The following POFUT3 variants were observed in gnomAD, a reference collection of about 807,000 sequenced individuals.
The protein encoded by POFUT3 is protein O-fucosyltransferase 3.
the POFUT3 span, among the ~76,000 whole-genome samples, chr8:33,381,550 C>G: frequency 2.0e-5 from 3 of 152,158 alleles, no homozygotes; most frequent in Non-Finnish European, 4.4e-5. Flanking sequence ...TCATGCTCTC[C>G]TGGTAAGTGC....
chr8:33,375,093 T>G, the POFUT3 span, among the ~76,000 whole-genome samples: 1 of 151,886 alleles, frequency 6.6e-6, no homozygotes, highest in African/African-American at 2.4e-5. Context: ...GGTTTCACCA[T>G]GTTGTCCAGG....
the POFUT3 span, among the ~76,000 whole-genome samples, chr8:33,458,456 T>C: frequency 6.6e-6 from 1 of 152,170 alleles, no homozygotes; most frequent in Non-Finnish European, 1.5e-5. Context: ...GGCTCACGCC[T>C]GTAATACCAA....
At chr8:33,318,078 C>T in the POFUT3 span, among the ~76,000 whole-genome samples, 230 of 152,158 alleles carry the variant, frequency 1.5e-3, 4 homozygotes, top group East Asian at 0.041. Context: ...TGAGAGAGTG[C>T]AGTCTTTTGA....
At chr8:33,458,267 A>AAAAAATT in the POFUT3 span, among the ~76,000 whole-genome samples, 1 of 152,216 alleles carries the variant, frequency 6.6e-6, no homozygotes, top group South Asian at 2.1e-4. Context: ...AACTGTAAAA[A>AAAAAATT]AAAAATTAAT....
At chr8:33,469,462 A>C in the POFUT3 span, among the ~76,000 whole-genome samples, 1 of 152,238 alleles carries the variant, frequency 6.6e-6, no homozygotes, top group African/African-American at 2.4e-5. Flanking sequence ...TCTTCATACT[A>C]GTGCAAATTT....
the POFUT3 span, among the ~76,000 whole-genome samples, chr8:33,339,789 G>A: frequency 8.8e-4 from 134 of 152,256 alleles, no homozygotes; most frequent in African/African-American, 3.1e-3. Flanking sequence ...TGCTGAAAGG[G>A]AAGAACTATC....
At chr8:33,390,915 A>C in the POFUT3 span, among the ~76,000 whole-genome samples, 1 of 152,218 alleles carries the variant, frequency 6.6e-6, no homozygotes, top group Admixed American at 6.5e-5. Flanking sequence ...AGATCCAATC[A>C]GGGAGAACTT....
At chr8:33,378,746 G>T in the POFUT3 span, among the ~76,000 whole-genome samples, 235 of 152,214 alleles carry the variant, frequency 1.5e-3, 2 homozygotes, top group Admixed American at 3.7e-3. Context: ...TAACACCCCA[G>T]GCCCCACTTT....
the POFUT3 span, among the ~76,000 whole-genome samples, chr8:33,369,738 G>C: frequency 6.6e-6 from 1 of 152,074 alleles, no homozygotes; most frequent in Non-Finnish European, 1.5e-5. Flanking sequence ...GTGGCTGAAG[G>C]AATGATGTTC....
At chr8:33,379,976 CACTCTATATATATAGTATA>C in the POFUT3 span, among the ~76,000 whole-genome samples, 1 of 92,242 alleles carries the variant, frequency 1.1e-5, no homozygotes, top group African/African-American at 5.2e-5. Context: ...ACTATATATA[CACTCTATATATATAGTATA>C]TATATATACT....
At chr8:33,432,394 C>T in the POFUT3 span, among the ~76,000 whole-genome samples, 1 of 147,088 alleles carries the variant, frequency 6.8e-6, no homozygotes, top group Non-Finnish European at 1.5e-5. Context: ...GCAATAAAAG[C>T]GAGACTCTGT....
the POFUT3 span, among the ~76,000 whole-genome samples, chr8:33,379,122 G>A: frequency 5.0e-4 from 76 of 152,086 alleles, 1 homozygote; most frequent in African/African-American, 1.8e-3. Context: ...GTGGTAAGAT[G>A]TGTTTGTTTC....
the POFUT3 span, among the ~76,000 whole-genome samples, chr8:33,464,547 T>C: frequency 1.3e-5 from 2 of 152,312 alleles, no homozygotes; most frequent in Admixed American, 1.3e-4. Context: ...CAGTGGCTCA[T>C]GCAGGTAATC....
At chr8:33,339,174 A>G in the POFUT3 span, among the ~76,000 whole-genome samples, 1 of 152,230 alleles carries the variant, frequency 6.6e-6, no homozygotes, top group Non-Finnish European at 1.5e-5. Flanking sequence ...ACATGCTTGA[A>G]ATAAGTGAAA....
At chr8:33,454,644 T>C in the POFUT3 span, among the ~76,000 whole-genome samples, 16 of 152,026 alleles carry the variant, frequency 1.1e-4, 1 homozygote, top group South Asian at 3.3e-3. Context: ...ATTTCATAAG[T>C]CTGTAGGATA....
chr8:33,429,002 G>A, the POFUT3 span, among the ~76,000 whole-genome samples: 1 of 152,290 alleles, frequency 6.6e-6, no homozygotes, highest in Non-Finnish European at 1.5e-5. Context: ...CAGCTCACCT[G>A]AACAAATGCA....
chr8:33,408,422 C>A, the POFUT3 span, among the ~76,000 whole-genome samples: 63 of 152,106 alleles, frequency 4.1e-4, 1 homozygote, highest in South Asian at 6.4e-3. Flanking sequence ...GTCAAGTTTA[C>A]CACTGAAAAA....
At chr8:33,389,023 G>A in the POFUT3 span, 61 of 1,614,134 alleles carry the variant, frequency 3.8e-5, no homozygotes, top group Admixed American at 5.8e-4. Flanking sequence ...CAAATGCATC[G>A]ATGTAATTGT....
chr8:33,451,066 A>ATATGTGTG, the POFUT3 span, among the ~76,000 whole-genome samples: 1 of 148,022 alleles, frequency 6.8e-6, no homozygotes. Context: ...AAGGAGGTGT[A>ATATGTGTG]TGTGTGTGTG....
Sources: gnomAD v4.1 joint callset for allele counts (sites outside exome capture counted in the v4.1 genomes callset) on GRCh38, gnomAD v4.1.1 for gene constraint, MANE v1.5 for transcripts, NCBI Gene and HGNC (gene_info 2026-07-23, HGNC 2026-07-21) for gene names.